ARNT: variants seen among roughly 807,000 people sequenced by gnomAD.
The protein encoded by ARNT is aryl hydrocarbon receptor nuclear translocator, also known as class E basic helix-loop-helix protein 2.
A neutral mutation model predicts 105.0 loss-of-function variants in ARNT; 30 were observed. That is an observed-to-expected ratio of 0.29 (90% CI 0.21 to 0.39). ARNT has a LOEUF of 0.39. Ranked by LOEUF, ARNT falls within the 10% of genes least tolerant of loss-of-function variation. The probability of loss-of-function intolerance (pLI) is 1.00; values close to 1 mark genes in which losing one functional copy is unlikely to be tolerated. For missense variants in ARNT, 748 were observed against 978.7 expected, an observed-to-expected ratio of 0.76 and a Z score of 3.15; for synonymous variants, 304 against 344.0, an observed-to-expected ratio of 0.88 and a Z score of 1.29.
At chr1:150,851,823 C>T (rs1269223576) in intron 3 of ARNT, among the ~76,000 whole-genome samples, 2 of 151,946 alleles carry the variant, frequency 1.3e-5, no homozygotes, top group Non-Finnish European at 2.9e-5. Flanking sequence ...TGCCAAATCC[C>T]CCTCTGCGAG....
rs777761656 is a variant in ARNT, at chr1:150,817,083, C to T, written c.1698G>A (p.Ala566=). The T allele has an allele frequency of 1.7e-5, 28 of 1,613,860 alleles. No homozygotes were observed. The highest frequency in any genetic ancestry group is 5.5e-5 in the South Asian group (5 of 91,062). ...RFSEIYHNIN[A]DQSKGISSST... ...AAGGATAATGAGAAAGAAACATACC[C>T]GCATTGATGTTGTGATAGATTTCTG... The change falls in exon 17 of 22, where the codon GCG becomes GCA. Residue 566 remains alanine (A), a splice_region_variant and synonymous_variant. Transcript: ENST00000358595.
intron 2 of ARNT, among the ~76,000 whole-genome samples, chr1:150,855,604 CAA>C (rs1476049158): frequency 6.6e-6 from 1 of 151,760 alleles, no homozygotes; most frequent in East Asian, 1.9e-4. Context: ...GAATATGTAA[CAA>C]TATTTTTTTA....
intron 5 of ARNT, 27 bp from the exon 6 acceptor site, chr1:150,839,681 T>C (rs778118594): frequency 6.3e-7 from 1 of 1,597,654 alleles, no homozygotes; most frequent in Admixed American, 1.8e-5. Flanking sequence ...AGAAGCCCCA[T>C]CCAGGTGGTC....
chr1:150,812,236 C>G, intron 21 of ARNT, 126 bp from the exon 22 acceptor site: 1 of 581,956 alleles, frequency 1.7e-6, no homozygotes, highest in African/African-American at 1.9e-5. Flanking sequence ...GAGCTCTTAG[C>G]CTTCCTTACT....
At position 150,811,918 on chromosome 1, in the gene ARNT, A is replaced by G; in HGVS notation, c.*103T>C. 1 of 817,138 alleles carries G rather than the reference A, an allele frequency of 1.2e-6. No individual in the cohort carries two copies. The highest frequency in any genetic ancestry group is 1.8e-6 in the Non-Finnish European group (1 of 566,722). The allele number at this position is 817,138 out of a possible 1,614,324, so 50.6% of individuals were successfully genotyped here. ...AGGGGGTACATGTCAGGGGTGAGGG[A>G]AGGGAAGGGAGAGGAACTTTTATTC... On this transcript the variant is annotated 3_prime_UTR_variant, in exon 22 of 22. Coordinates refer to ENST00000358595, the MANE Select transcript of ARNT (RefSeq NM_001668.4).
chr1:150,845,079 G>A (rs1018651817), intron 4 of ARNT, among the ~76,000 whole-genome samples: 1 of 151,824 alleles, frequency 6.6e-6, no homozygotes, highest in African/African-American at 2.4e-5. Flanking sequence ...CAAAGTGCTG[G>A]AATTACAGGC....
intron 3 of ARNT, among the ~76,000 whole-genome samples, chr1:150,846,578 A>C (rs1662249517): frequency 6.6e-6 from 1 of 152,124 alleles, no homozygotes; most frequent in Non-Finnish European, 1.5e-5. Flanking sequence ...GCCTGTCAGC[A>C]CAATTCTAAA....
intron 6 of ARNT, among the ~76,000 whole-genome samples, chr1:150,837,027 C>T (rs587630543): frequency 6.6e-6 from 1 of 152,210 alleles, no homozygotes. Flanking sequence ...GATCATACCA[C>T]CACACTCCAG....
At chr1:150,837,933 C>CTAGT (rs1038778607) in intron 6 of ARNT, among the ~76,000 whole-genome samples, 32 of 151,986 alleles carry the variant, frequency 2.1e-4, no homozygotes. Flanking sequence ...CAAAATCTAA[C>CTAGT]TATTCTCTCA....
intron 3 of ARNT, among the ~76,000 whole-genome samples, chr1:150,852,099 A>G (rs1400310456): frequency 6.6e-6 from 1 of 152,086 alleles, no homozygotes; most frequent in Non-Finnish European, 1.5e-5. Flanking sequence ...TACCTATAAG[A>G]GGTGTCAACA....
chr1:150,864,762 T>TA lies in ARNT; in HGVS notation c.26-6303dup, dbSNP rs1249367917. Reference sequence around the variant, plus strand: ...ATGTACCCTAAAACTTAAAGTATAATAAAAAATAAATAAATAAATAAATAA... The same window carrying TA: ...ATGTACCCTAAAACTTAAAGTATAATAAAAAAATAAATAAATAAATAAATAA... On this transcript the variant is annotated intron_variant, in intron 1 of 21. Coordinates refer to ENST00000358595, the MANE Select transcript of ARNT (RefSeq NM_001668.4). Among the ~76,000 whole-genome samples, 560 of 80,336 alleles carry TA rather than the reference T, an allele frequency of 7.0e-3. 8 individuals carry two copies. The highest frequency in any genetic ancestry group is 0.038 in the East Asian group (106 of 2,778). The allele number at this position is 80,336 out of a possible 152,430, so 52.7% of individuals were successfully genotyped here.
At chr1:150,869,197 G>A (rs1158832858) in intron 1 of ARNT, among the ~76,000 whole-genome samples, 1 of 152,002 alleles carries the variant, frequency 6.6e-6, no homozygotes, top group Non-Finnish European at 1.5e-5. Flanking sequence ...AGAATGTTAG[G>A]CTGGGCGCGC....
chr1:150,850,428 C>T (rs1270094147), intron 3 of ARNT, among the ~76,000 whole-genome samples: 1 of 152,222 alleles, frequency 6.6e-6, no homozygotes, highest in East Asian at 1.9e-4. Flanking sequence ...ATTGCAGTCG[C>T]GCGCCGCCAC....
At chr1:150,865,379 G>A (rs1026902065) in intron 1 of ARNT, among the ~76,000 whole-genome samples, 2 of 152,054 alleles carry the variant, frequency 1.3e-5, no homozygotes, top group South Asian at 4.1e-4. Flanking sequence ...TTGGGAGATC[G>A]ACAAGAACTA....
Position 150,832,405 on chromosome 1 carries a change from T to G in ARNT, c.804-6A>C, listed in dbSNP as rs1659509201. The G allele has an allele frequency of 1.2e-6, 2 of 1,613,928 alleles. No homozygotes were observed. Among genetic ancestry groups the G allele is most frequent in the African/African-American group, 2.7e-5 (2 of 74,900 alleles). ...CCACAGAGCTACTGCCACACCTGTTTCAAGGAATAAAGAGATTAAAAGCAA... is the reference window on the plus strand; with the variant it reads ...CCACAGAGCTACTGCCACACCTGTTGCAAGGAATAAAGAGATTAAAAGCAA... On this transcript the variant is annotated splice_polypyrimidine_tract_variant and splice_region_variant and intron_variant, in intron 8 of 21. Transcript: ENST00000358595.
intron 2 of ARNT, among the ~76,000 whole-genome samples, chr1:150,854,857 C>CAAAAAAAAAA (rs769273005): frequency 3.2e-5 from 1 of 31,628 alleles, no homozygotes; most frequent in African/African-American, 1.1e-4. Flanking sequence ...AACTACATCT[C>CAAAAAAAAAA]AAAAAAAAAA....
chr1:150,865,975 C>T (rs991187439), intron 1 of ARNT, among the ~76,000 whole-genome samples: 1 of 151,282 alleles, frequency 6.6e-6, no homozygotes, highest in Admixed American at 6.6e-5. Context: ...GAAGGCATTA[C>T]TCCAAAGTTT....
chr1:150,853,756 T>C (rs1282319766), intron 2 of ARNT, among the ~76,000 whole-genome samples: 1 of 152,150 alleles, frequency 6.6e-6, no homozygotes, highest in Admixed American at 6.5e-5. Flanking sequence ...GCTACAGACA[T>C]TCAGGGAAAG....
intron 1 of ARNT, among the ~76,000 whole-genome samples, chr1:150,874,426 A>G (rs1156495858): frequency 6.6e-6 from 1 of 152,246 alleles, no homozygotes; most frequent in African/African-American, 2.4e-5. Context: ...AGTGTCTCAC[A>G]TCTGTATTCC....
Sources: gnomAD v4.1 joint callset for allele counts (sites outside exome capture counted in the v4.1 genomes callset) on GRCh38, gnomAD v4.1.1 for gene constraint, MANE v1.5 for transcripts, NCBI Gene and HGNC (gene_info 2026-07-23, HGNC 2026-07-21) for gene names.